The following INSC variants were observed in gnomAD, a reference collection of about 807,000 sequenced individuals.
INSC encodes the protein protein inscuteable homolog.
A neutral mutation model predicts 58.6 loss-of-function variants in INSC; 67 were observed. That is an observed-to-expected ratio of 1.14 (90% confidence interval 0.94 to 1.40). The LOEUF (loss-of-function observed/expected upper bound fraction) is 1.40, where lower values mean the gene tolerates loss of function less well. INSC is among the 40% of genes most tolerant of loss of function. The probability of loss-of-function intolerance (pLI) is 0.00; values close to 1 mark genes in which losing one functional copy is unlikely to be tolerated. For missense variants in INSC, 714 were observed against 692.0 expected, an observed-to-expected ratio of 1.03 and a Z score of -0.36; for synonymous variants, 262 against 276.1, an observed-to-expected ratio of 0.95 and a Z score of 0.51.
chr11:15,170,877 A>G (rs1849373148), intron 2 of INSC, among the ~76,000 whole-genome samples: 1 of 152,190 alleles, frequency 6.6e-6, no homozygotes, highest in Non-Finnish European at 1.5e-5. Context: ...CCACAAACAC[A>G]GACACTGGTA....
chr11:15,112,586 ATGTGAGTGTGTGTGTG>A, upstream of INSC: 1 of 887,428 alleles, frequency 1.1e-6, no homozygotes, highest in Non-Finnish European at 1.6e-6. Flanking sequence ...GGGAAGGTGG[ATGTGAGTGTGTGTGTG>A]TGTGTGTGTG....
chr11:15,152,273 ATCTT>A (rs1848677897), intron 2 of INSC, among the ~76,000 whole-genome samples: 1 of 152,152 alleles, frequency 6.6e-6, no homozygotes, highest in Admixed American at 6.5e-5. Flanking sequence ...ATGTCAACTG[ATCTT>A]GTAGGAAGAT....
chr11:15,244,847 G>A (rs1186046077), intron 12 of INSC, among the ~76,000 whole-genome samples: 5 of 152,156 alleles, frequency 3.3e-5, no homozygotes, highest in Non-Finnish European at 7.3e-5. Context: ...CTGTGTATAT[G>A]CTCAGGAAGA....
rs775563282 is a variant in INSC, at chr11:15,175,862, G to T, written c.178G>T (p.Gly60Cys). 6.2e-6 allele frequency: 10 copies of T among 1,614,076 alleles called. No homozygotes were observed. The South Asian group carries it at 9.9e-5, about 16-fold the overall frequency. ...CATCAGCCTGGAAGAGGATGCACAG[G>T]GTGACCTCATCCTGGCAGGTGGCCC... ...KPISLEEDAQ[G>C]DLILAGGPGP... Residue 60 changes from glycine to cysteine, a missense_variant, in exon 3 of 13, where the codon GGT (glycine) becomes TGT (cysteine). Transcript: ENST00000379556.
rs142978112 is a variant in INSC at position 15,164,734 on chromosome 11, G to A, written c.57-11007G>A. Among the ~76,000 whole-genome samples, 595 of 152,104 alleles carry A rather than the reference G, an allele frequency of 3.9e-3. 3 individuals carry two copies. The highest frequency in any genetic ancestry group is 0.014 in the African/African-American group (569 of 41,500). On this transcript the variant is annotated intron_variant, in intron 2 of 12. Coordinates refer to ENST00000379556, the MANE Select transcript of INSC (RefSeq NM_001042536.3). ...TCATAAGATAATATGATATGGTTTG[G>A]CTGTGTCCCCACCCAAATCTCATCT...
the INSC span, among the ~76,000 whole-genome samples, chr11:15,257,740 A>G: frequency 6.6e-6 from 1 of 152,168 alleles, no homozygotes; most frequent in African/African-American, 2.4e-5. Context: ...GTGAAGCTGG[A>G]GTTATGCCGC....
At chr11:15,263,451 A>T in the INSC span, among the ~76,000 whole-genome samples, 1 of 152,190 alleles carries the variant, frequency 6.6e-6, no homozygotes, top group East Asian at 1.9e-4. Flanking sequence ...AACATCAAAG[A>T]CAATGACAAG....
rs1166542620 is a variant in INSC at position 15,190,594 on chromosome 11, G to T, written c.580-107G>T. 5 of 781,154 alleles carry T rather than the reference G, an allele frequency of 6.4e-6. No homozygotes were observed. The African/African-American group carries it at 8.5e-5, about 13-fold the overall frequency. The allele number at this position is 781,154 out of a possible 1,614,324, so 48.4% of individuals were successfully genotyped here. Reference sequence around the variant, plus strand: ...GAGGCAGTAGCTAGGGGCAGGAGTAGATTCCATGGTTGCTGTTAGGAGCAT... The same window carrying T: ...GAGGCAGTAGCTAGGGGCAGGAGTATATTCCATGGTTGCTGTTAGGAGCAT... On this transcript the variant is annotated intron_variant, in intron 5 of 12. Transcript: ENST00000379556.
At chr11:15,178,274 C>T (rs1849641641) in intron 4 of INSC, 50 bp from the exon 5 acceptor site, 1 of 1,608,212 alleles carries the variant, frequency 6.2e-7, no homozygotes, top group Non-Finnish European at 8.5e-7. Flanking sequence ...CATTTCTGGG[C>T]TGACCACATG....
At chr11:15,263,355 A>G in the INSC span, among the ~76,000 whole-genome samples, 2 of 152,156 alleles carry the variant, frequency 1.3e-5, no homozygotes, top group East Asian at 3.8e-4. Context: ...TCATTATCCC[A>G]TTCAGAAACT....
chr11:15,187,814 T>C (rs561386596), intron 5 of INSC, among the ~76,000 whole-genome samples: 8 of 152,342 alleles, frequency 5.3e-5, no homozygotes, highest in African/African-American at 1.9e-4. Flanking sequence ...ACCACTCTTC[T>C]CATGATATTG....
At chr11:15,166,652 T>G (rs776082678) in intron 2 of INSC, among the ~76,000 whole-genome samples, 15 of 152,346 alleles carry the variant, frequency 9.8e-5, no homozygotes, top group Non-Finnish European at 1.5e-4. Flanking sequence ...TAATCTGGCT[T>G]GGCAAGGCAT....
chr11:15,190,252 C>A (rs894461064), intron 5 of INSC, among the ~76,000 whole-genome samples: 1 of 152,238 alleles, frequency 6.6e-6, no homozygotes, highest in African/African-American at 2.4e-5. Flanking sequence ...CATCACTCAG[C>A]TGGAGTTCAC....
chr11:15,261,575 C>T, the INSC span, among the ~76,000 whole-genome samples: 2 of 152,106 alleles, frequency 1.3e-5, no homozygotes, highest in African/African-American at 4.8e-5. Flanking sequence ...GAAATAGAGG[C>T]TTAGGGAAGT....
chr11:15,131,359 A>G (rs937484402), intron 1 of INSC, among the ~76,000 whole-genome samples: 1 of 152,014 alleles, frequency 6.6e-6, no homozygotes, highest in African/African-American at 2.4e-5. Context: ...CCCAGTGTCA[A>G]TCTTCTGAAA....
intron 1 of INSC, among the ~76,000 whole-genome samples, chr11:15,142,261 C>A (rs965222205): frequency 2.6e-5 from 4 of 152,178 alleles, no homozygotes; most frequent in Non-Finnish European, 4.4e-5. Context: ...CTGAAAGTGA[C>A]CACTCCTTTT....
chr11:15,146,599 T>C (rs1377064071), intron 1 of INSC, among the ~76,000 whole-genome samples: 4 of 152,116 alleles, frequency 2.6e-5, no homozygotes, highest in Non-Finnish European at 4.4e-5. Flanking sequence ...AATCAAGATA[T>C]ATTAGGCTTA....
At chr11:15,172,132 G>T (rs936965308) in intron 2 of INSC, among the ~76,000 whole-genome samples, 7 of 152,204 alleles carry the variant, frequency 4.6e-5, no homozygotes, top group African/African-American at 1.7e-4. Context: ...GAAAGATAAT[G>T]TAACAGATGT....
chr11:15,190,251 G>A (rs923081742), intron 5 of INSC, among the ~76,000 whole-genome samples: 4 of 152,178 alleles, frequency 2.6e-5, no homozygotes, highest in African/African-American at 7.2e-5. Flanking sequence ...CCATCACTCA[G>A]CTGGAGTTCA....
Sources: allele counts gnomAD v4.1 joint callset (sites outside exome capture counted in the v4.1 genomes callset), GRCh38; gene constraint gnomAD v4.1.1; transcripts MANE v1.5; gene names NCBI Gene and HGNC (gene_info 2026-07-23, HGNC 2026-07-21).